KDM3B: variants seen among roughly 807,000 people sequenced by gnomAD.
The protein encoded by KDM3B is lysine-specific demethylase 3B.
Under a neutral mutation model 170.0 loss-of-function variants are expected in KDM3B, and 10 were observed. The ratio of observed to expected loss-of-function variants is 0.06; its 90% CI spans 0.04 to 0.10. The LOEUF is 0.10. Among genes scored for constraint, KDM3B ranks in the 10% least tolerant of loss-of-function variants. The pLI is 1.00. For missense variants in KDM3B, 1,394 were observed against 2,195.2 expected (o/e 0.64, Z 7.29); for synonymous variants, 831 against 834.8 (o/e 1.00, Z 0.08).
chr5:138,353,338 G>A (rs969158971), intron 1 of KDM3B, among the ~76,000 whole-genome samples: 2 of 152,242 alleles, frequency 1.3e-5, no homozygotes, highest in African/African-American at 4.8e-5. Context: ...AGTTCGGCCA[G>A]TGTTGCCGCT....
intron 23 of KDM3B, among the ~76,000 whole-genome samples, chr5:138,434,227 A>C (rs950121374): frequency 8.5e-5 from 13 of 152,126 alleles, no homozygotes; most frequent in Admixed American, 3.3e-4. Flanking sequence ...ACTACACTCC[A>C]GCCTGGGCAA....
intron 1 of KDM3B, among the ~76,000 whole-genome samples, chr5:138,360,497 G>C (rs887345585): frequency 9.0e-5 from 13 of 144,476 alleles, no homozygotes; most frequent in African/African-American, 3.3e-4. Flanking sequence ...CAAGCACTTT[G>C]TATAGTTGAT....
In KDM3B at chr5:138,398,242, C is replaced by G. The variant is rs1427697583; in HGVS notation, c.2896C>G (p.Pro966Ala). ...EGFLSPQQSD[P>A]DAMNLWIPSS... ...GTTTTTAAGCCCCCAGCAAAGTGAC[C>G]CTGATGCCATGAACCTGTGGATTCC... The change falls in exon 10 of 24, where the codon CCT (proline) becomes GCT (alanine). Residue 966 changes from proline (P) to alanine (A), a missense_variant. Pro to Ala is a conservative substitution (Grantham distance 27). Coordinates refer to ENST00000314358, the MANE Select transcript of KDM3B (RefSeq NM_016604.4). 8 of 1,613,978 alleles carry G rather than the reference C, an allele frequency of 5.0e-6. No individual in the cohort carries two copies. The highest frequency in any genetic ancestry group is 1.7e-6 in the Non-Finnish European group (2 of 1,180,022).
chr5:138,414,966 TAAATA>T (rs1001551227), intron 11 of KDM3B, among the ~76,000 whole-genome samples, 161 bp from the exon 12 acceptor site: 2 of 152,004 alleles, frequency 1.3e-5, no homozygotes, highest in Admixed American at 1.3e-4. Context: ...CAAAAATAAA[TAAATA>T]AATAAAATCT....
intron 1 of KDM3B, among the ~76,000 whole-genome samples, chr5:138,355,893 A>G (rs1761436349): frequency 6.6e-6 from 1 of 152,256 alleles, no homozygotes; most frequent in Admixed American, 6.5e-5. Context: ...CTCTTTGCTC[A>G]TCTTTCTTAA....
At chr5:138,411,701 A>AT (rs747136849) in intron 11 of KDM3B, among the ~76,000 whole-genome samples, 507 of 145,022 alleles carry the variant, frequency 3.5e-3, no homozygotes, top group Non-Finnish European at 4.5e-3. Flanking sequence ...TATTCTTTTA[A>AT]TTTTTTTTTT....
intron 1 of KDM3B, among the ~76,000 whole-genome samples, chr5:138,363,348 T>A (rs1561756096): frequency 6.6e-6 from 1 of 152,178 alleles, no homozygotes; most frequent in Non-Finnish European, 1.5e-5. Flanking sequence ...TTTACATGTT[T>A]TTATTGATAC....
intron 1 of KDM3B, among the ~76,000 whole-genome samples, chr5:138,358,150 A>G (rs998604592): frequency 2.7e-5 from 4 of 148,630 alleles, no homozygotes; most frequent in African/African-American, 1.0e-4. Context: ...GGCGTCCACC[A>G]CCATGTAATT....
intron 1 of KDM3B, among the ~76,000 whole-genome samples, chr5:138,371,946 C>T (rs530933535): frequency 6.6e-6 from 1 of 152,274 alleles, no homozygotes; most frequent in South Asian, 2.1e-4. Context: ...CATGGTGAAA[C>T]TGCGTCTCTA....
rs911490460 is a variant in KDM3B at position 138,396,470 on chromosome 5, G to T, written c.2832-1708G>T. Among the ~76,000 whole-genome samples the T allele has an allele frequency of 1.8e-3, 268 of 152,316 alleles. 2 individuals are homozygous for T. Among genetic ancestry groups the T allele is most frequent in the African/African-American group, 6.1e-3 (254 of 41,562 alleles). On this transcript the variant is annotated intron_variant, in intron 9 of 23. Coordinates refer to ENST00000314358, the MANE Select transcript of KDM3B (RefSeq NM_016604.4). ...GAGGGTATGGCTTGAGAGGATTTTT[G>T]TGGTAGAAATTGGAGCAAATTTATG...
chr5:138,418,210 T>G (rs1223406584), intron 13 of KDM3B, among the ~76,000 whole-genome samples: 3 of 151,818 alleles, frequency 2.0e-5, no homozygotes, highest in Admixed American at 6.6e-5. Flanking sequence ...CTCCCAAGTT[T>G]CTGGGACTAC....
chr5:138,435,545 T>C (rs1763651863), intron 23 of KDM3B, 75 bp from the exon 24 acceptor site: 1 of 1,174,626 alleles, frequency 8.5e-7, no homozygotes, highest in South Asian at 1.3e-5. Context: ...ACTAAACCAG[T>C]AGGCTTACAG....
intron 12 of KDM3B, among the ~76,000 whole-genome samples, chr5:138,416,567 C>T (rs542746378): frequency 2.0e-4 from 26 of 129,028 alleles, no homozygotes; most frequent in Admixed American, 4.7e-4. Context: ...ACAGCCTAGG[C>T]GATACGGTGA....
chr5:138,392,464 A>G (rs1762459410), intron 8 of KDM3B, among the ~76,000 whole-genome samples: 1 of 152,252 alleles, frequency 6.6e-6, no homozygotes. Flanking sequence ...TAGGAGGAGT[A>G]TCTGTCCCAA....
intron 20 of KDM3B, among the ~76,000 whole-genome samples, chr5:138,428,966 G>A (rs1479949725): frequency 5.8e-5 from 2 of 34,308 alleles, no homozygotes; most frequent in Non-Finnish European, 1.4e-4. Context: ...TTTTTTTTTT[G>A]AGATAGAGTC....
chr5:138,422,925 T>C (rs928075043), intron 15 of KDM3B, among the ~76,000 whole-genome samples: 3 of 152,220 alleles, frequency 2.0e-5, no homozygotes, highest in Non-Finnish European at 4.4e-5. Context: ...ATTTGGGTTA[T>C]TTGTTTCTCT....
rs773732201 is a variant in KDM3B at position 138,392,090 on chromosome 5, GAT to G, written c.2459_2460del (p.Asp820ValfsTer3). The G allele has an allele frequency of 6.2e-7, 1 of 1,611,856 alleles. No homozygotes were observed. The highest frequency in any genetic ancestry group is 8.5e-7 in the Non-Finnish European group (1 of 1,178,046). ...SDSSTNSDLS[D>X]LSDSEEQLQA... ...CTCCAGCACCAACAGTGACCTGTCA[GAT>G]TTGAGTGACTCTGAGGAGCAGCTGC... On this transcript the variant is annotated frameshift_variant, in exon 8 of 24. Coordinates refer to ENST00000314358, the MANE Select transcript of KDM3B (RefSeq NM_016604.4). LOFTEE classifies it high-confidence loss of function.
intron 20 of KDM3B, 87 bp downstream of exon 20, chr5:138,428,173 C>T: frequency 5.9e-5 from 70 of 1,178,260 alleles, no homozygotes; most frequent in South Asian, 2.2e-4. Flanking sequence ...GGGCCAGTGG[C>T]TTTTCCTTTT....
Position 138,400,140 on chromosome 5 carries a change from T to A in KDM3B, c.3199+128T>A, listed in dbSNP as rs1051234458. ...TTAGCTGCTTGGCTTCATTCAACTT[T>A]GTTGTATTTTAAGACCTTAAAATGG... On this transcript the variant is annotated intron_variant, in intron 11 of 23. Coordinates refer to ENST00000314358, the MANE Select transcript of KDM3B (RefSeq NM_016604.4). 5.7e-6 allele frequency: 5 copies of A among 882,516 alleles called. No homozygotes were observed. The African/African-American group carries it at 8.3e-5, about 15-fold the overall frequency. 54.7% of individuals were successfully genotyped at this position (882,516 alleles called of 1,614,324 possible).
Sources: allele counts gnomAD v4.1 joint callset (sites outside exome capture counted in the v4.1 genomes callset), GRCh38; gene constraint gnomAD v4.1.1; transcripts MANE v1.5; gene names NCBI Gene and HGNC (gene_info 2026-07-23, HGNC 2026-07-21).